The following RIN3 variants were observed in gnomAD, a reference collection of about 807,000 sequenced individuals.
RIN3 encodes the protein RAB5 interacting protein 3.
RIN3 carries 54 observed loss-of-function variants against 76.3 expected under a neutral mutation model. The ratio of observed to expected loss-of-function variants is 0.71; its 90% confidence interval spans 0.57 to 0.89. The LOEUF is 0.89. Among genes scored for constraint, RIN3 ranks in the 40% least tolerant of loss-of-function variants. RIN3 has a pLI of 0.00. For synonymous variants in RIN3, 576 were observed against 564.0 expected, an observed-to-expected ratio of 1.02 and a Z score of -0.30; for missense variants, 1,256 against 1,322.1, an observed-to-expected ratio of 0.95 and a Z score of 0.78.
At chr14:92,540,844 T>C (rs1897116067) in intron 1 of RIN3, among the ~76,000 whole-genome samples, 2 of 152,230 alleles carry the variant, frequency 1.3e-5, no homozygotes, top group Admixed American at 1.3e-4. Flanking sequence ...GAATTCATAA[T>C]GCTGGAAGGA....
rs372376372 is a variant in RIN3 at position 92,651,740 on chromosome 14, C to T, written c.691C>T (p.Arg231Cys). The T allele has an allele frequency of 3.2e-5, 51 of 1,613,990 alleles. No homozygotes were observed. The highest frequency in any genetic ancestry group is 1.8e-4 in the East Asian group (8 of 44,888). Residue 231 changes from arginine to cysteine, a missense_variant, in exon 6 of 10, where the codon CGC becomes TGC. This residue lies in a region of RIN3 where 610 missense variants were observed against 626.4 expected (regional missense o/e 0.97). Transcript: ENST00000216487. Reference sequence around the variant, plus strand: ...AATCGAGCTGTCGGTAGGAAATGACCGCCTGTGGTTTGTGAATCCTATTTT... The same window carrying T: ...AATCGAGCTGTCGGTAGGAAATGACTGCCTGTGGTTTGTGAATCCTATTTT... ...CEIELSVGNDRLWFVNPIFIE... is the reference protein window; with the variant it reads ...CEIELSVGNDCLWFVNPIFIE...
intron 7 of RIN3, 51 bp downstream of exon 7, chr14:92,659,520 T>C (rs1429260675): frequency 1.3e-6 from 2 of 1,495,988 alleles, no homozygotes; most frequent in Non-Finnish European, 1.8e-6. Context: ...TTTGTATGGG[T>C]CCATGACCCC....
At chr14:92,679,385 G>T (rs79289888) in intron 8 of RIN3, among the ~76,000 whole-genome samples, 2,464 of 152,342 alleles carry the variant, frequency 0.016, 33 homozygotes, top group Non-Finnish European at 0.025. Flanking sequence ...AGGGGGGTGG[G>T]TGGCACGGGC....
At position 92,687,944 on chromosome 14, in the gene RIN3, T is replaced by C. The variant is rs1461700787; in HGVS notation, c.2650T>C (p.Tyr884His). Residue 884 changes from tyrosine (Y) to histidine (H), a missense_variant, in exon 10 of 10, where the codon TAC becomes CAC. Around this residue, in one of 3 missense-constraint regions of RIN3, gnomAD observed 218 missense variants for 174.5 expected, o/e 1.25. Transcript: ENST00000216487. ...SSVQDFICVS[Y>H]LEPEQQARTL... ...TCCGCAGGACTTCATCTGCGTGTCG[T>C]ACCTGGAGCCCGAGCAGCAGGCGCG... 12 of 1,549,470 alleles carry C rather than the reference T, an allele frequency of 7.7e-6. No individual in the cohort carries two copies. In the South Asian group the frequency reaches 9.5e-5, roughly 12 times the overall value.
Position 92,685,176 on chromosome 14 carries a change from C to CGGTG in RIN3, c.2631+29_2631+32dup. The CGGTG allele has an allele frequency of 6.4e-7, 1 of 1,568,884 alleles. No homozygotes were observed. The highest frequency in any genetic ancestry group is 8.7e-7 in the Non-Finnish European group (1 of 1,152,296). On this transcript the variant is annotated intron_variant, in intron 9 of 9. Coordinates refer to ENST00000216487, the MANE Select transcript of RIN3 (RefSeq NM_024832.5). The surrounding 1 kb of genome is among the most constrained non-coding windows in gnomAD (Gnocchi z 4.7). ...GTGAGGCCTGAGAGCGGGAGGGGCCCGGTGGGGCCATGTCCCAGACACCAT... is the reference window on the plus strand; with the variant it reads ...GTGAGGCCTGAGAGCGGGAGGGGCCCGGTGGGTGGGGCCATGTCCCAGACACCAT...
At chr14:92,588,508 G>A (rs1309237469) in intron 3 of RIN3, among the ~76,000 whole-genome samples, 4 of 151,894 alleles carry the variant, frequency 2.6e-5, no homozygotes, top group Non-Finnish European at 4.4e-5. Flanking sequence ...TTACAGGTGT[G>A]AGCCACCATG....
chr14:92,566,275 C>G (rs1443702164), intron 2 of RIN3, among the ~76,000 whole-genome samples: 2 of 152,178 alleles, frequency 1.3e-5, no homozygotes, highest in African/African-American at 4.8e-5. Context: ...TTCTATTCCT[C>G]CATCTTCAAG....
intron 1 of RIN3, among the ~76,000 whole-genome samples, chr14:92,541,938 G>C (rs1401686106): frequency 6.6e-6 from 1 of 152,154 alleles, no homozygotes; most frequent in African/African-American, 2.4e-5. Flanking sequence ...AGTAATAGAA[G>C]ACCCAATTCA....
chr14:92,618,194 T>C (rs975357479), intron 4 of RIN3, among the ~76,000 whole-genome samples: 2 of 152,188 alleles, frequency 1.3e-5, no homozygotes, highest in Non-Finnish European at 2.9e-5. Context: ...CGAATAAAAG[T>C]ACACCCCATA....
At chr14:92,518,546 A>G (rs1896506194) in intron 1 of RIN3, among the ~76,000 whole-genome samples, 1 of 152,126 alleles carries the variant, frequency 6.6e-6, no homozygotes, top group Non-Finnish European at 1.5e-5. Context: ...AGCAGAGGCC[A>G]CCCAGGCAAT....
intron 7 of RIN3, among the ~76,000 whole-genome samples, chr14:92,670,096 A>G (rs1381383213): frequency 6.6e-6 from 1 of 150,700 alleles, no homozygotes. Context: ...ACAAAGTCTC[A>G]CTATGTTGCC....
Position 92,513,973 on chromosome 14 carries a change from CG to C in RIN3, c.44+1del. On this transcript the variant is annotated frameshift_variant and splice_region_variant, in exon 1 of 10. Coordinates refer to ENST00000216487, the MANE Select transcript of RIN3 (RefSeq NM_024832.5). LOFTEE classifies it high-confidence loss of function. ...GGGGCGCCCGCGCGCGGGGACCCCA[CG>C]GGGTAAGTCCGGGCGGCCGCCCCCT... ...HAGAPARGDP[T>X]GPVPVVGKGE... The C allele has an allele frequency of 8.0e-7, 1 of 1,243,476 alleles. No individual in the cohort carries two copies. The highest frequency in any genetic ancestry group is 3.5e-5 in the South Asian group (1 of 28,966). The allele number at this position is 1,243,476 out of a possible 1,614,324, so 77.0% of individuals were successfully genotyped here. A position where few individuals can be genotyped will look rare whatever the true frequency, so the allele number is the denominator to read the frequency against.
At chr14:92,653,151 A>C in intron 6 of RIN3, 76 bp downstream of exon 6, 1 of 1,454,474 alleles carries the variant, frequency 6.9e-7, no homozygotes, top group Non-Finnish European at 9.1e-7. Context: ...TTAGGACAAA[A>C]GAGGCCTATG....
chr14:92,676,413 C>A, intron 7 of RIN3, 62 bp from the exon 8 acceptor site: 2 of 1,586,190 alleles, frequency 1.3e-6, no homozygotes, highest in Non-Finnish European at 1.7e-6. Flanking sequence ...CTACCCTGGG[C>A]AGAGAGCATC....
intron 3 of RIN3, among the ~76,000 whole-genome samples, chr14:92,582,461 T>TTC (rs1491278203): frequency 6.6e-5 from 9 of 137,192 alleles, no homozygotes; most frequent in Admixed American, 1.4e-4. Context: ...TTTTTTTTTT[T>TTC]CCCTGAGATG....
chr14:92,567,466 C>T (rs1375338046), intron 2 of RIN3, among the ~76,000 whole-genome samples: 1 of 152,136 alleles, frequency 6.6e-6, no homozygotes, highest in Non-Finnish European at 1.5e-5. Flanking sequence ...TGGCCTCACT[C>T]ATGTGTCTTG....
At position 92,623,775 on chromosome 14, in the gene RIN3, C is replaced by G. The variant is rs1886260652; in HGVS notation, c.440+8296C>G. The stretch of plus-strand genomic sequence containing the variant: ...ACAAGTGCAGACTGATTGGTAAGCT[C>G]TTGGAAAGACTTAAGCTCACTGCAT... On this transcript the variant is annotated intron_variant, in intron 4 of 9. Transcript: ENST00000216487. This position sits in a 1 kb window ranked among gnomAD's most constrained non-coding sequence, Gnocchi z 4.9. Among the ~76,000 whole-genome samples the G allele has an allele frequency of 1.3e-5, 2 of 152,210 alleles. No homozygotes were observed. Among genetic ancestry groups the G allele is most frequent in the African/African-American group, 4.8e-5 (2 of 41,458 alleles).
chr14:92,687,981 C>T lies in RIN3; in HGVS notation c.2687C>T (p.Ser896Leu). The change falls in exon 10 of 10, where the codon TCG becomes TTG. Residue 896 changes from serine to leucine, a missense_variant. Ser to Leu is a moderately radical substitution (Grantham distance 145). Transcript: ENST00000216487. ...GAGCAGCAGGCGCGGACGCTGGCGTCGCGGGCGGACACCCAGGCCCAGGCG... is the reference window on the plus strand; with the variant it reads ...GAGCAGCAGGCGCGGACGCTGGCGTTGCGGGCGGACACCCAGGCCCAGGCG... ...EPEQQARTLA[S>L]RADTQAQALC... The T allele has an allele frequency of 6.4e-7, 1 of 1,561,360 alleles. No homozygotes were observed. The highest frequency in any genetic ancestry group is 2.4e-5 in the East Asian group (1 of 42,006).
chr14:92,645,007 A>G (rs987180185), intron 5 of RIN3: 1 of 152,206 alleles, frequency 6.6e-6, no homozygotes, highest in Non-Finnish European at 1.5e-5. Context: ...GACGCCAGGG[A>G]CCCTCTGAGA....
Sources: gnomAD v4.1 joint callset for allele counts (sites outside exome capture counted in the v4.1 genomes callset) on GRCh38, gnomAD v4.1.1 for gene constraint, gnomAD v4.1.1 regional missense constraint, Gnocchi (gnomAD v3.1) non-coding constraint, MANE v1.5 for transcripts, NCBI Gene and HGNC (gene_info 2026-07-23, HGNC 2026-07-21) for gene names.